TMEM163: variants seen among roughly 807,000 people sequenced by gnomAD.
TMEM163 encodes transmembrane protein 163.
Under a neutral mutation model 29.3 loss-of-function variants are expected in TMEM163, and 17 were observed. The observed-to-expected ratio is 0.58, with a 90% CI of 0.40 to 0.87. The LOEUF (loss-of-function observed/expected upper bound fraction) is 0.87. Among genes scored for constraint, TMEM163 ranks in the 40% least tolerant of loss-of-function variants. The probability of loss-of-function intolerance (pLI) is 0.00; values close to 1 mark genes in which losing one functional copy is unlikely to be tolerated. For synonymous variants in TMEM163, 157 were observed against 160.6 expected, an observed-to-expected ratio of 0.98 and a Z score of 0.17; for missense variants, 303 against 381.5, an observed-to-expected ratio of 0.79 and a Z score of 1.71.
chr2:134,514,081 G>C (rs1308314927), intron 4 of TMEM163, among the ~76,000 whole-genome samples: 1 of 152,206 alleles, frequency 6.6e-6, no homozygotes, highest in African/African-American at 2.4e-5. Context: ...TAAGCCATAG[G>C]CTTGCTGAGG....
At chr2:134,557,969 C>T (rs889267580) in intron 2 of TMEM163, among the ~76,000 whole-genome samples, 1 of 152,040 alleles carries the variant, frequency 6.6e-6, no homozygotes, top group Non-Finnish European at 1.5e-5. Flanking sequence ...TCTACAACCA[C>T]CATATCATTT....
At chr2:134,562,026 T>C (rs1228333533) in intron 2 of TMEM163, among the ~76,000 whole-genome samples, 1 of 152,356 alleles carries the variant, frequency 6.6e-6, no homozygotes, top group Middle Eastern at 3.4e-3. Context: ...GGGGATAAAA[T>C]TTATAGAACA....
intron 2 of TMEM163, among the ~76,000 whole-genome samples, chr2:134,646,187 G>GGT: frequency 6.7e-6 from 1 of 150,272 alleles, no homozygotes; most frequent in South Asian, 2.1e-4. Context: ...CAGGTTCAAA[G>GGT]GATTTTTCCG....
At chr2:134,692,906 A>C (rs1558993812) in intron 2 of TMEM163, among the ~76,000 whole-genome samples, 1 of 152,114 alleles carries the variant, frequency 6.6e-6, no homozygotes, top group Admixed American at 6.5e-5. Context: ...TCACCCATCC[A>C]CCACATTGCC....
intron 5 of TMEM163, among the ~76,000 whole-genome samples, chr2:134,481,811 A>C (rs1679192396): frequency 6.6e-6 from 1 of 152,178 alleles, no homozygotes; most frequent in African/African-American, 2.4e-5. Context: ...AGCTGAGATG[A>C]AAGTGCTGTG....
At chr2:134,673,142 T>G (rs1308223036) in intron 2 of TMEM163, among the ~76,000 whole-genome samples, 1 of 152,086 alleles carries the variant, frequency 6.6e-6, no homozygotes, top group Admixed American at 6.5e-5. Flanking sequence ...GCCTAAAGTT[T>G]TACATACAAG....
At chr2:134,657,828 G>A (rs1683654766) in intron 2 of TMEM163, among the ~76,000 whole-genome samples, 1 of 151,882 alleles carries the variant, frequency 6.6e-6, no homozygotes, top group African/African-American at 2.4e-5. Flanking sequence ...AAAAAGATGG[G>A]AACAACAGAC....
At chr2:134,515,196 C>G (rs1282347419) in intron 4 of TMEM163, among the ~76,000 whole-genome samples, 1 of 152,172 alleles carries the variant, frequency 6.6e-6, no homozygotes, top group Non-Finnish European at 1.5e-5. Context: ...CAGGCAATCC[C>G]ACTGACACAA....
Position 134,598,097 on chromosome 2 carries a change from T to C in TMEM163, c.323-46006A>G, listed in dbSNP as rs111828893. On this transcript the variant is annotated intron_variant, in intron 2 of 7. Coordinates refer to ENST00000281924, the MANE Select transcript of TMEM163 (RefSeq NM_030923.5). ...CATTGATGTTTTGAAGGGTTTTTTG[T>C]GTGTCTGTCTCCTTCAGTTCTGCTC... Among the ~76,000 whole-genome samples, 415 of 152,310 alleles carry C rather than the reference T, an allele frequency of 2.7e-3. 1 individual carries two copies. Among genetic ancestry groups the C allele is most frequent in the African/African-American group, 9.8e-3 (406 of 41,562 alleles).
chr2:134,519,368 T>G (rs1266119889), intron 4 of TMEM163, among the ~76,000 whole-genome samples: 1 of 152,122 alleles, frequency 6.6e-6, no homozygotes, highest in Admixed American at 6.6e-5. Context: ...TGTGTCGGCC[T>G]CAAATGAGCA....
At chr2:134,563,783 G>A (rs371326400) in intron 2 of TMEM163, among the ~76,000 whole-genome samples, 2 of 152,204 alleles carry the variant, frequency 1.3e-5, no homozygotes, top group East Asian at 3.9e-4. Flanking sequence ...GGCCAGGCAC[G>A]GTGGCTCACA....
intron 2 of TMEM163, among the ~76,000 whole-genome samples, chr2:134,667,492 C>T (rs770954397): frequency 2.2e-4 from 33 of 152,212 alleles, no homozygotes; most frequent in Admixed American, 2.0e-3. Flanking sequence ...ACGCACTCAA[C>T]ATTCTAGAAA....
At chr2:134,466,695 C>T (rs1367892533) in intron 5 of TMEM163, 1 of 155,342 alleles carries the variant, frequency 6.4e-6, no homozygotes, top group African/African-American at 2.4e-5. Flanking sequence ...GCCAGAGCTA[C>T]TTAAAACCAT....
At chr2:134,494,177 T>G (rs913497175) in intron 5 of TMEM163, among the ~76,000 whole-genome samples, 3 of 152,154 alleles carry the variant, frequency 2.0e-5, no homozygotes, top group African/African-American at 7.2e-5. Flanking sequence ...TGTTTAGAAG[T>G]TGGTAGGTTC....
chr2:134,520,089 C>T (rs1034882649), intron 4 of TMEM163, among the ~76,000 whole-genome samples: 1 of 152,132 alleles, frequency 6.6e-6, no homozygotes, highest in Admixed American at 6.5e-5. Context: ...ATTTACATAA[C>T]TCTACATACC....
At chr2:134,567,558 G>A (rs1410503586) in intron 2 of TMEM163, among the ~76,000 whole-genome samples, 4 of 152,078 alleles carry the variant, frequency 2.6e-5, no homozygotes, top group Admixed American at 2.6e-4. Context: ...GAGTATGGTG[G>A]CACAAGCCTG....
At chr2:134,572,901 G>A (rs571889134) in intron 2 of TMEM163, among the ~76,000 whole-genome samples, 1 of 152,312 alleles carries the variant, frequency 6.6e-6, no homozygotes, top group Admixed American at 6.5e-5. Flanking sequence ...ATTTAGGTGT[G>A]ATTTATACGC....
intron 2 of TMEM163, among the ~76,000 whole-genome samples, chr2:134,656,211 G>A (rs926688850): frequency 6.7e-6 from 1 of 148,448 alleles, no homozygotes; most frequent in East Asian, 1.9e-4. Context: ...CTCCGTGGGC[G>A]TAGGACCCTC....
intron 2 of TMEM163, among the ~76,000 whole-genome samples, chr2:134,673,104 G>A (rs1207564623): frequency 6.6e-6 from 1 of 152,074 alleles, no homozygotes; most frequent in Non-Finnish European, 1.5e-5. Flanking sequence ...TATCATCATG[G>A]ACCCTCTCCA....
Sources: allele counts gnomAD v4.1 joint callset (sites outside exome capture counted in the v4.1 genomes callset), GRCh38; gene constraint gnomAD v4.1.1; transcripts MANE v1.5; gene names NCBI Gene and HGNC (gene_info 2026-07-23, HGNC 2026-07-21).